OLFM3: variants seen among roughly 807,000 people sequenced by gnomAD.
The protein encoded by OLFM3 is noelin-3.
A neutral mutation model predicts 48.6 loss-of-function variants in OLFM3; 20 were observed. The ratio of observed to expected loss-of-function variants is 0.41; its 90% CI spans 0.29 to 0.60. OLFM3 has a LOEUF of 0.60. Among genes scored for constraint, OLFM3 ranks in the 20% least tolerant of loss-of-function variants. The probability of loss-of-function intolerance (pLI) is 0.28; values close to 1 mark genes in which losing one functional copy is unlikely to be tolerated. For missense variants in OLFM3, 437 were observed against 544.3 expected (o/e 0.80, Z 1.96); for synonymous variants, 222 against 198.1 (o/e 1.12, Z -1.01).
intron 1 of OLFM3, among the ~76,000 whole-genome samples, chr1:101,860,447 ATCATGAAGAGATATGTTTTT>A (rs1164334579): frequency 6.6e-6 from 1 of 151,976 alleles, no homozygotes; most frequent in African/African-American, 2.4e-5. Context: ...TCATTCCACA[ATCATGAAGAGATATGTTTTT>A]GCAAAACTCT....
intron 1 of OLFM3, among the ~76,000 whole-genome samples, chr1:101,892,761 G>A (rs1323562422): frequency 1.3e-5 from 2 of 151,986 alleles, no homozygotes; most frequent in African/African-American, 4.8e-5. Flanking sequence ...TTTACTGTAA[G>A]CATTATCGTA....
intron 1 of OLFM3, among the ~76,000 whole-genome samples, chr1:101,979,989 T>C (rs1368723353): frequency 6.6e-6 from 1 of 152,168 alleles, no homozygotes; most frequent in African/African-American, 2.4e-5. Flanking sequence ...GGAGATTATT[T>C]TGGAAGCTTA....
intron 3 of OLFM3, among the ~76,000 whole-genome samples, chr1:101,829,692 A>G (rs895222078): frequency 2.6e-4 from 40 of 152,246 alleles, no homozygotes; most frequent in African/African-American, 8.2e-4. Flanking sequence ...TCAGCAGTGA[A>G]TCTCACTTCC....
chr1:101,969,329 T>TTG (rs1553184231), intron 1 of OLFM3, among the ~76,000 whole-genome samples: 1,883 of 149,400 alleles, frequency 0.013, 45 homozygotes, highest in African/African-American at 0.044. Flanking sequence ...TTTTTTTTTT[T>TTG]GGTATTTTTG....
chr1:101,812,976 A>T, intron 4 of OLFM3: 2 of 1,029,276 alleles, frequency 1.9e-6, no homozygotes, highest in Middle Eastern at 2.6e-4. Context: ...TAATTTATTC[A>T]TTTGACAACC....
intron 1 of OLFM3, among the ~76,000 whole-genome samples, chr1:101,866,609 A>G (rs1266015093): frequency 2.6e-5 from 4 of 152,180 alleles, no homozygotes; most frequent in South Asian, 2.1e-4. Flanking sequence ...AGAAAATTAA[A>G]TAACATTTAA....
intron 1 of OLFM3, among the ~76,000 whole-genome samples, chr1:101,845,439 A>C (rs1300335772): frequency 6.6e-6 from 1 of 152,176 alleles, no homozygotes; most frequent in Non-Finnish European, 1.5e-5. Context: ...ACATGTCAGA[A>C]TCAAGGTGCA....
intron 1 of OLFM3, among the ~76,000 whole-genome samples, chr1:101,837,233 C>A (rs555262237): frequency 1.3e-5 from 2 of 152,144 alleles, no homozygotes; most frequent in Non-Finnish European, 2.9e-5. Context: ...AAAACAAGAT[C>A]CTTTCTTGTC....
At chr1:101,982,483 A>G (rs565602022) in intron 1 of OLFM3, among the ~76,000 whole-genome samples, 1 of 152,248 alleles carries the variant, frequency 6.6e-6, no homozygotes, top group Admixed American at 6.5e-5. Flanking sequence ...GGTTAATTTT[A>G]TGTGTTAACT....
At chr1:101,834,628 G>C (rs1234587381) in intron 2 of OLFM3, among the ~76,000 whole-genome samples, 1 of 152,212 alleles carries the variant, frequency 6.6e-6, no homozygotes, top group Admixed American at 6.5e-5. Context: ...CTGTAAAAGA[G>C]TGCACACAAT....
intron 4 of OLFM3, among the ~76,000 whole-genome samples, chr1:101,822,811 A>T (rs1276744406): frequency 6.7e-6 from 1 of 150,096 alleles, no homozygotes. Context: ...GAATTTCCTT[A>T]TGTAAGCAAT....
intron 1 of OLFM3, among the ~76,000 whole-genome samples, chr1:101,952,911 T>A (rs558439865): frequency 1.9e-4 from 29 of 152,280 alleles, no homozygotes; most frequent in African/African-American, 7.0e-4. Context: ...CATATTTCAT[T>A]ATGATAGCCA....
At chr1:101,986,581 A>G (rs886826737) in intron 1 of OLFM3, among the ~76,000 whole-genome samples, 3 of 152,176 alleles carry the variant, frequency 2.0e-5, no homozygotes, top group Admixed American at 1.3e-4. Flanking sequence ...AATATTATTT[A>G]GGTTGAGTCG....
chr1:101,899,102 G>A (rs1400605816), intron 1 of OLFM3, among the ~76,000 whole-genome samples: 1 of 152,152 alleles, frequency 6.6e-6, no homozygotes, highest in Non-Finnish European at 1.5e-5. Context: ...TCAGCTGGGA[G>A]GCTCTACCTC....
intron 2 of OLFM3, 41 bp downstream of exon 2, chr1:101,836,838 G>T (rs372136211): frequency 5.0e-6 from 8 of 1,597,066 alleles, no homozygotes; most frequent in East Asian, 2.2e-5. Context: ...AAGAATGGTC[G>T]ATTTTACTAA....
intron 1 of OLFM3, among the ~76,000 whole-genome samples, chr1:101,996,432 G>A (rs958377814): frequency 3.9e-5 from 6 of 152,036 alleles, no homozygotes; most frequent in Non-Finnish European, 8.8e-5. Context: ...TGCATTACCC[G>A]TCCGACTTCA....
intron 1 of OLFM3, among the ~76,000 whole-genome samples, chr1:101,991,019 ATATATATATAT>A (rs1661392243): frequency 1.2e-5 from 1 of 82,564 alleles, no homozygotes; most frequent in African/African-American, 4.3e-5. Flanking sequence ...AAAAAAAAAT[ATATATATATAT>A]ATATATATAT....
At chr1:101,990,989 TAAAAA>T (rs58481588) in intron 1 of OLFM3, among the ~76,000 whole-genome samples, 2 of 8,900 alleles carry the variant, frequency 2.2e-4, no homozygotes, top group African/African-American at 2.6e-4. Flanking sequence ...TGTCAAAAAG[TAAAAA>T]AAAAAAAAAA....
At chr1:101,882,562 G>A (rs1657576818) in intron 1 of OLFM3, 1 of 151,774 alleles carries the variant, frequency 6.6e-6, no homozygotes, top group African/African-American at 2.4e-5. Context: ...GAGAACTCCT[G>A]GAATCTGGAG....
Sources: gnomAD v4.1 joint callset for allele counts (sites outside exome capture counted in the v4.1 genomes callset) on GRCh38, gnomAD v4.1.1 for gene constraint, MANE v1.5 for transcripts, NCBI Gene and HGNC (gene_info 2026-07-23, HGNC 2026-07-21) for gene names.